The following POLR2H variants were observed in gnomAD, a reference collection of about 807,000 sequenced individuals.
POLR2H encodes the protein RNA polymerase II, I and III subunit H.
Under a neutral mutation model 18.1 loss-of-function variants are expected in POLR2H, and 3 were observed. The observed-to-expected ratio is 0.17, with a 90% CI of 0.08 to 0.43. POLR2H has a LOEUF of 0.43. Ranked by LOEUF, POLR2H falls within the 20% of genes least tolerant of loss-of-function variation. The pLI, the probability that POLR2H is intolerant of heterozygous loss-of-function variation, is 0.99. For synonymous variants in POLR2H, 76 were observed against 69.0 expected (o/e 1.10, Z -0.50); for missense variants, 103 against 184.6 (o/e 0.56, Z 2.56).
At chr3:184,366,249 C>T (rs1713246221) in intron 4 of POLR2H, among the ~76,000 whole-genome samples, 1 of 151,958 alleles carries the variant, frequency 6.6e-6, no homozygotes, top group Non-Finnish European at 1.5e-5. Flanking sequence ...ATGGTCATGC[C>T]TAGCTCATGG....
Position 184,362,362 on chromosome 3 carries a change from C to G in POLR2H, c.-621+216C>G, listed in dbSNP as rs1454457055. The stretch of plus-strand genomic sequence containing the variant: ...TTTGGGGGAACTGCCTGCTGGTGTT[C>G]TGGGTTCTCTATCAGGGGCTGGGGA... On this transcript the variant is annotated intron_variant, in intron 1 of 5. Coordinates refer to ENST00000456318, the MANE Select transcript of POLR2H (RefSeq NM_006232.5). This position sits in a 1 kb window ranked among gnomAD's most constrained non-coding sequence, Gnocchi z 5.9. The G allele has an allele frequency of 6.6e-6, 1 of 152,454 alleles. No individual in the cohort carries two copies. Among genetic ancestry groups the G allele is most frequent in the Non-Finnish European group, 1.5e-5 (1 of 68,262 alleles). 9.4% of individuals were successfully genotyped at this position (152,454 alleles called of 1,614,324 possible). A position where few individuals can be genotyped will look rare whatever the true frequency, so the allele number is the denominator to read the frequency against.
At chr3:184,367,092 TTGTGTGTGTGTGTGTG>T (rs10575340) in intron 5 of POLR2H, among the ~76,000 whole-genome samples, 1 of 147,856 alleles carries the variant, frequency 6.8e-6, no homozygotes, top group African/African-American at 2.5e-5. Context: ...CTGTTAGGCT[TTGTGTGTGTGTGTGTG>T]TGTGTGTGTG....
intron 4 of POLR2H, chr3:184,365,505 A>AAG: frequency 2.5e-6 from 1 of 407,630 alleles, no homozygotes; most frequent in Non-Finnish European, 4.4e-6. Flanking sequence ...TACAAAAAAG[A>AAG]AGAGAGAAAA....
At chr3:184,367,240 C>G (rs1713472331) in intron 5 of POLR2H, among the ~76,000 whole-genome samples, 3 of 151,530 alleles carry the variant, frequency 2.0e-5, no homozygotes, top group African/African-American at 7.3e-5. Context: ...TCTTTAAAGT[C>G]TTATTAAAAC....
chr3:184,367,358 T>C (rs1713492252), intron 5 of POLR2H, among the ~76,000 whole-genome samples: 1 of 152,218 alleles, frequency 6.6e-6, no homozygotes, highest in Admixed American at 6.5e-5. Flanking sequence ...CATAGACTTT[T>C]TTGCATATCC....
rs1241965607 is a variant in POLR2H, at chr3:184,364,914, G to A, written c.74-52G>A. ...ATCCTGTTGCATACAATCCCACACT[G>A]TAGGATCTGCCTTGGCAATACCTCT... is the stretch of plus-strand genomic sequence containing the variant. On this transcript the variant is annotated intron_variant, in intron 2 of 5. Transcript: ENST00000456318. 11 of 1,238,060 alleles carry A rather than the reference G, an allele frequency of 8.9e-6. No homozygotes were observed. The East Asian group carries it at 9.3e-5, about 10-fold the overall frequency. 76.7% of individuals were successfully genotyped at this position (1,238,060 alleles called of 1,614,324 possible).
At position 184,368,168 on chromosome 3, in the gene POLR2H, C is replaced by T; in HGVS notation, c.336-9C>T. 1 of 1,614,118 alleles carries T rather than the reference C, an allele frequency of 6.2e-7. No homozygotes were observed. The highest frequency in any genetic ancestry group is 1.3e-5 in the African/African-American group (1 of 75,038). ...CTCCAGAATCACGGGATGGGGCCTT[C>T]TGTTTCAGCTCTGCGTACGTGTCCT... On this transcript the variant is annotated splice_polypyrimidine_tract_variant and intron_variant, in intron 5 of 5. Transcript: ENST00000456318.
At chr3:184,365,848 C>G (rs1371689874) in intron 4 of POLR2H, among the ~76,000 whole-genome samples, 1 of 145,246 alleles carries the variant, frequency 6.9e-6, no homozygotes, top group Non-Finnish European at 1.5e-5. Flanking sequence ...TAGTGGCGGG[C>G]GCCTGTAGTC....
chr3:184,363,391 G>GT lies in POLR2H; in HGVS notation c.-101dup. ...CGTCTGGCCGCCGCGCTTTCAGGAG[G>GT]TGCTTTTGGTTCTCTCCGGTCTTGT... On this transcript the variant is annotated 5_prime_UTR_variant, in exon 2 of 6. It removes the in-frame stop codon of an upstream open reading frame in the 5' UTR. Transcript: ENST00000456318. 1.0e-6 allele frequency: 1 copy of GT among 965,478 alleles called. No individual in the cohort carries two copies. Among genetic ancestry groups the GT allele is most frequent in the Non-Finnish European group, 1.6e-6 (1 of 606,888 alleles). 59.8% of individuals were successfully genotyped at this position (965,478 alleles called of 1,614,324 possible). A position where few individuals can be genotyped will look rare whatever the true frequency, so the allele number is the denominator to read the frequency against.
rs973131916 is a variant in POLR2H at position 184,363,386 on chromosome 3, A to G, written c.-107A>G. 45 of 922,970 alleles carry G rather than the reference A, an allele frequency of 4.9e-5. No homozygotes were observed. Among genetic ancestry groups the G allele is most frequent in the Non-Finnish European group, 6.7e-5 (38 of 570,512 alleles). 57.2% of individuals were successfully genotyped at this position (922,970 alleles called of 1,614,324 possible). On this transcript the variant is annotated 5_prime_UTR_variant, in exon 2 of 6. Transcript: ENST00000456318. ...ACTCTCGTCTGGCCGCCGCGCTTTC[A>G]GGAGGTGCTTTTGGTTCTCTCCGGT...
chr3:184,368,360 G>T lies in POLR2H; in HGVS notation c.*66G>T. 1 of 1,355,688 alleles carries T rather than the reference G, an allele frequency of 7.4e-7. No individual in the cohort carries two copies. The highest frequency in any genetic ancestry group is 1.0e-6 in the Non-Finnish European group (1 of 995,736). The allele number at this position is 1,355,688 out of a possible 1,614,324, so 84.0% of individuals were successfully genotyped here. A position where few individuals can be genotyped will look rare whatever the true frequency, so the allele number is the denominator to read the frequency against. On this transcript the variant is annotated 3_prime_UTR_variant, in exon 6 of 6. Transcript: ENST00000456318. ...CATGGGCATTGTTCAAGCCTGAGTG[G>T]CAGCCGCTCTTGCTCACCTGTTGAG...
Position 184,368,481 on chromosome 3 carries a change from G to C in POLR2H, c.*187G>C. ...CTGTGAAAGACACAGTGGGAGAGCT[G>C]AAAATGAATCAGAAGCTTTATGTAT... On this transcript the variant is annotated 3_prime_UTR_variant, in exon 6 of 6. Coordinates refer to ENST00000456318, the MANE Select transcript of POLR2H (RefSeq NM_006232.5). 1 of 458,502 alleles carries C rather than the reference G, an allele frequency of 2.2e-6. No homozygotes were observed. The highest frequency in any genetic ancestry group is 3.8e-6 in the Non-Finnish European group (1 of 260,052). The allele number at this position is 458,502 out of a possible 1,614,324, so 28.4% of individuals were successfully genotyped here.
At position 184,368,416 on chromosome 3, in the gene POLR2H, C is replaced by A; in HGVS notation, c.*122C>A. ...GCTGGCTCACTGTCCACCGTGGCGG[C>A]ATCTTTAACTGGCCTCCACTCAATG... On this transcript the variant is annotated 3_prime_UTR_variant, in exon 6 of 6. Coordinates refer to ENST00000456318, the MANE Select transcript of POLR2H (RefSeq NM_006232.5). The A allele has an allele frequency of 1.4e-6, 1 of 732,802 alleles. No individual in the cohort carries two copies. The highest frequency in any genetic ancestry group is 2.2e-6 in the Non-Finnish European group (1 of 461,152). 45.4% of individuals were successfully genotyped at this position (732,802 alleles called of 1,614,324 possible).
intron 5 of POLR2H, among the ~76,000 whole-genome samples, chr3:184,367,947 T>A (rs1713616418): frequency 7.5e-6 from 1 of 132,544 alleles, no homozygotes; most frequent in South Asian, 2.3e-4. Flanking sequence ...TGTGCATTGA[T>A]GTTTGTCAGA....
intron 5 of POLR2H, 42 bp from the exon 6 acceptor site, chr3:184,368,135 T>C (rs1293643084): frequency 6.8e-6 from 11 of 1,613,560 alleles, no homozygotes; most frequent in Non-Finnish European, 9.3e-6. Context: ...AGCTGCTGAG[T>C]GGCAGTGCTC....
chr3:184,363,105 G>A lies in POLR2H; in HGVS notation c.-388G>A. 1 of 311,078 alleles carries A rather than the reference G, an allele frequency of 3.2e-6. No individual in the cohort carries two copies. Among genetic ancestry groups the A allele is most frequent in the Non-Finnish European group, 6.2e-6 (1 of 161,166 alleles). 19.3% of individuals were successfully genotyped at this position (311,078 alleles called of 1,614,324 possible). A position where few individuals can be genotyped will look rare whatever the true frequency, so the allele number is the denominator to read the frequency against. The stretch of plus-strand genomic sequence containing the variant: ...CTCTGGGCCAAGGATCAAGGTCCCT[G>A]CCTGGGTTAGGCCCCCACGCATTCC... On this transcript the variant is annotated 5_prime_UTR_variant, in exon 2 of 6. Transcript: ENST00000456318.
rs1486161771 is a variant in POLR2H, at chr3:184,362,721, AG to A, written c.-620-148del. On this transcript the variant is annotated intron_variant, in intron 1 of 5. Transcript: ENST00000456318. This position sits in a 1 kb window ranked among gnomAD's most constrained non-coding sequence, Gnocchi z 5.9. ...GGGGGAACGCGCAGCACTAAGCTGG[AG>A]GGGTAATGCCCGGGGGAGGGGGGTG... is the stretch of plus-strand genomic sequence containing the variant. The A allele has an allele frequency of 2.8e-4, 7 of 24,960 alleles. No homozygotes were observed. Among genetic ancestry groups the A allele is most frequent in the Admixed American group, 1.8e-3 (3 of 1,698 alleles). The allele number at this position is 24,960 out of a possible 1,614,324, so 1.5% of individuals were successfully genotyped here. A position where few individuals can be genotyped will look rare whatever the true frequency, so the allele number is the denominator to read the frequency against.
chr3:184,364,912 C>T lies in POLR2H; in HGVS notation c.74-54C>T, dbSNP rs1474703886. ...GTATCCTGTTGCATACAATCCCACA[C>T]TGTAGGATCTGCCTTGGCAATACCT... On this transcript the variant is annotated intron_variant, in intron 2 of 5. Transcript: ENST00000456318. The T allele has an allele frequency of 2.5e-6, 3 of 1,187,752 alleles. No individual in the cohort carries two copies. The African/African-American group carries it at 4.5e-5, about 18-fold the overall frequency. 73.6% of individuals were successfully genotyped at this position (1,187,752 alleles called of 1,614,324 possible).
chr3:184,365,454 A>C, intron 4 of POLR2H: 1 of 565,682 alleles, frequency 1.8e-6, no homozygotes, highest in South Asian at 2.2e-5. Context: ...TGAGTCCAGG[A>C]GTTCAAGACC....
Sources: allele counts gnomAD v4.1 joint callset (sites outside exome capture counted in the v4.1 genomes callset), GRCh38; gene constraint gnomAD v4.1.1; non-coding constraint Gnocchi (gnomAD v3.1); transcripts MANE v1.5; gene names NCBI Gene and HGNC (gene_info 2026-07-23, HGNC 2026-07-21).